SATB2: variants seen among roughly 807,000 people sequenced by gnomAD.
SATB2 encodes the protein DNA-binding protein SATB2.
SATB2 carries 1 observed loss-of-function variant against 73.4 expected under a neutral mutation model. The ratio of observed to expected loss-of-function variants is 0.01; its 90% CI spans 0.00 to 0.06. The LOEUF (loss-of-function observed/expected upper bound fraction) is 0.06, where lower values mean the gene tolerates loss of function less well. Ranked by LOEUF, SATB2 falls within the 10% of genes least tolerant of loss-of-function variation. The pLI, the probability that SATB2 is intolerant of heterozygous loss-of-function variation, is 1.00. For synonymous variants in SATB2, 397 were observed against 367.0 expected, an observed-to-expected ratio of 1.08 and a Z score of -0.93; for missense variants, 459 against 945.8, an observed-to-expected ratio of 0.49 and a Z score of 6.75.
At chr2:199,331,830 CAAGAT>C (rs1351967498) in intron 7 of SATB2, among the ~76,000 whole-genome samples, 1 of 152,122 alleles carries the variant, frequency 6.6e-6, no homozygotes, top group Non-Finnish European at 1.5e-5. Flanking sequence ...ACCTAATTAT[CAAGAT>C]AAGTAAATGT....
At chr2:199,380,729 A>G (rs571570230) in intron 4 of SATB2, among the ~76,000 whole-genome samples, 1 of 152,322 alleles carries the variant, frequency 6.6e-6, no homozygotes, top group East Asian at 1.9e-4. Flanking sequence ...GCAATACAAG[A>G]GATGCTATTT....
chr2:199,306,843 A>G (rs1264232386), intron 10 of SATB2, among the ~76,000 whole-genome samples: 3 of 152,206 alleles, frequency 2.0e-5, no homozygotes, highest in Non-Finnish European at 4.4e-5. Flanking sequence ...CTCAATTATA[A>G]CAAACAATGC....
chr2:199,420,128 T>A (rs537984720), intron 3 of SATB2, among the ~76,000 whole-genome samples: 110 of 152,308 alleles, frequency 7.2e-4, no homozygotes, highest in African/African-American at 2.5e-3. Context: ...CCTGGCTCCA[T>A]CACTTACTTG....
At chr2:199,283,020 G>A (rs1692573565) in intron 10 of SATB2, among the ~76,000 whole-genome samples, 1 of 151,988 alleles carries the variant, frequency 6.6e-6, no homozygotes, top group Non-Finnish European at 1.5e-5. Flanking sequence ...CCATGCAATA[G>A]GCCCATGCCA....
chr2:199,398,482 C>T (rs1454463729), intron 3 of SATB2, among the ~76,000 whole-genome samples: 1 of 152,016 alleles, frequency 6.6e-6, no homozygotes, highest in African/African-American at 2.4e-5. Context: ...TTATAGGGTC[C>T]TGGGTGGAGA....
chr2:199,409,276 T>C (rs1690737508), intron 3 of SATB2, among the ~76,000 whole-genome samples: 1 of 148,116 alleles, frequency 6.8e-6, no homozygotes, highest in Non-Finnish European at 1.5e-5. Context: ...TTCAAGCAAT[T>C]CTCCTGCCTC....
In SATB2 at chr2:199,323,508, C is replaced by CACACAT. The variant is rs372830951; in HGVS notation, c.1542+294_1542+295insATGTGT. On this transcript the variant is annotated intron_variant, in intron 9 of 10. Transcript: ENST00000417098. ...ACACACACACACACACACACACACACATATATAAAGGGAGAGAAACAAAAG... is the reference window on the plus strand; with the variant it reads ...ACACACACACACACACACACACACACACACATATATATAAAGGGAGAGAAACAAAAG... Among the ~76,000 whole-genome samples, 62,435 of 143,996 alleles carry CACACAT rather than the reference C, an allele frequency of 0.43. 14,074 individuals carry two copies. Among genetic ancestry groups the CACACAT allele is most frequent in the East Asian group, 0.56 (2,648 of 4,726 alleles). 94.5% of individuals were successfully genotyped at this position (143,996 alleles called of 152,430 possible).
upstream of SATB2, among the ~76,000 whole-genome samples, chr2:199,469,237 C>G (rs1285832833): frequency 6.6e-6 from 1 of 152,164 alleles, no homozygotes. Context: ...CCCGCCTGGC[C>G]GTCGTCACCG....
intron 3 of SATB2, among the ~76,000 whole-genome samples, chr2:199,409,622 C>A (rs950251020): frequency 6.6e-6 from 1 of 151,148 alleles, no homozygotes; most frequent in African/African-American, 2.4e-5. Context: ...ATATTTTCAA[C>A]GCCTTACTTT....
chr2:199,281,056 A>G (rs1487161198), intron 10 of SATB2, among the ~76,000 whole-genome samples: 1 of 152,004 alleles, frequency 6.6e-6, no homozygotes, highest in Non-Finnish European at 1.5e-5. Context: ...TTTATTTCTC[A>G]GACTGGCCGA....
intron 3 of SATB2, among the ~76,000 whole-genome samples, chr2:199,403,415 A>G (rs1025783105): frequency 4.6e-5 from 7 of 152,262 alleles, no homozygotes; most frequent in African/African-American, 1.4e-4. Context: ...ATAAGGAAAG[A>G]AAGAAAAGAG....
At chr2:199,380,309 G>C (rs555479150) in intron 5 of SATB2, 55 bp downstream of exon 5, 16 of 1,609,482 alleles carry the variant, frequency 9.9e-6, no homozygotes, top group Middle Eastern at 1.7e-4. Flanking sequence ...CCCCCTGATA[G>C]AGAGTCTACC....
At chr2:199,305,197 G>C (rs955952085) in intron 10 of SATB2, among the ~76,000 whole-genome samples, 2 of 152,120 alleles carry the variant, frequency 1.3e-5, no homozygotes, top group African/African-American at 4.8e-5. Context: ...GGGAGACAGG[G>C]ACCAGGGCAG....
At chr2:199,296,079 G>C (rs890397104) in intron 10 of SATB2, among the ~76,000 whole-genome samples, 1 of 152,136 alleles carries the variant, frequency 6.6e-6, no homozygotes, top group Non-Finnish European at 1.5e-5. Context: ...GTTTGGTTAC[G>C]ACAGTTTAAA....
intron 2 of SATB2, among the ~76,000 whole-genome samples, chr2:199,448,063 CA>C (rs1692014491): frequency 6.6e-6 from 1 of 152,186 alleles, no homozygotes. Context: ...AGACATTTAT[CA>C]TGCTGCTCTG....
At chr2:199,379,265 T>A (rs556011141) in intron 5 of SATB2, among the ~76,000 whole-genome samples, 19 of 152,314 alleles carry the variant, frequency 1.2e-4, no homozygotes, top group African/African-American at 4.1e-4. Context: ...ATTTTCATGG[T>A]TTGTATTAGT....
chr2:199,321,597 T>C (rs925368380), intron 9 of SATB2, among the ~76,000 whole-genome samples: 1 of 151,382 alleles, frequency 6.6e-6, no homozygotes, highest in Admixed American at 6.6e-5. Flanking sequence ...CACACATAGA[T>C]ACACCTTATG....
At chr2:199,381,866 T>C in intron 3 of SATB2, 46 bp from the exon 4 acceptor site, 1 of 1,605,482 alleles carries the variant, frequency 6.2e-7, no homozygotes, top group Non-Finnish European at 8.5e-7. Flanking sequence ...TGCTATTTAT[T>C]AAACCTTCCC....
At position 199,455,744 on chromosome 2, in the gene SATB2, T is replaced by G; in HGVS notation, c.169+125A>C. 3 of 1,114,138 alleles carry G rather than the reference T, an allele frequency of 2.7e-6. No individual in the cohort carries two copies. The highest frequency in any genetic ancestry group is 2.8e-5 in the South Asian group (2 of 72,258). The allele number at this position is 1,114,138 out of a possible 1,614,324, so 69.0% of individuals were successfully genotyped here. ...AGATGAGAGGCGACGGGGGCATTAT[T>G]TGGCAACCTGGAATTCACTTCCTGT... On this transcript the variant is annotated intron_variant, in intron 2 of 10. Coordinates refer to ENST00000417098, the MANE Select transcript of SATB2 (RefSeq NM_001172509.2). The surrounding 1 kb of genome is among the most constrained non-coding windows in gnomAD (Gnocchi z 4.1).
Sources: allele counts gnomAD v4.1 joint callset (sites outside exome capture counted in the v4.1 genomes callset), GRCh38; gene constraint gnomAD v4.1.1; non-coding constraint Gnocchi (gnomAD v3.1); transcripts MANE v1.5; gene names NCBI Gene and HGNC (gene_info 2026-07-23, HGNC 2026-07-21).